FMN1: variants seen among roughly 807,000 people sequenced by gnomAD.
The protein encoded by FMN1 is formin-1.
Under a neutral mutation model 132.4 loss-of-function variants are expected in FMN1, and 110 were observed. That is an observed-to-expected ratio of 0.83 (90% CI 0.71 to 0.97). FMN1 has a LOEUF of 0.97. FMN1 is among the 50% of genes least tolerant of loss of function. FMN1 has a pLI of 0.00. For synonymous variants in FMN1, 722 were observed against 651.7 expected (o/e 1.11, Z -1.64); for missense variants, 1,792 against 1,705.3 (o/e 1.05, Z -0.90).
At chr15:32,849,570 C>T (rs781294734) in intron 17 of FMN1, among the ~76,000 whole-genome samples, 10 of 134,010 alleles carry the variant, frequency 7.5e-5, no homozygotes, top group East Asian at 6.2e-4. Context: ...GGAAAACATA[C>T]GCTCTTTGCA....
At chr15:33,066,738 G>A (rs754133162) in intron 5 of FMN1, 4 of 1,613,742 alleles carry the variant, frequency 2.5e-6, no homozygotes, top group East Asian at 2.2e-5. Flanking sequence ...GGTACTCCAG[G>A]GCCGCTCTGG....
In FMN1 at chr15:33,088,865, G is replaced by C. The variant is rs1566905405; in HGVS notation, c.1977C>G (p.Ala659=). 6.5e-7 allele frequency: 1 copy of C among 1,535,970 alleles called. No homozygotes were observed. Among genetic ancestry groups the C allele is most frequent in the Non-Finnish European group, 8.7e-7 (1 of 1,146,840 alleles). The part of the protein sequence containing the change: ...AWVLGYRAGP[A]CPFLLHEERE... The stretch of plus-strand genomic sequence containing the variant: ...TTTCCTCATGAAGCAAAAATGGACA[G>C]GCTGGTCCCGCTCTGTAGCCCAGAA... Residue 659 remains alanine, a synonymous_variant, in exon 5 of 21, where the codon GCC becomes GCG. Transcript: ENST00000616417.
chr15:33,041,132 A>G (rs1159612569), intron 6 of FMN1, among the ~76,000 whole-genome samples: 1 of 103,726 alleles, frequency 9.6e-6, no homozygotes, highest in African/African-American at 3.7e-5. Context: ...ATAAATCACT[A>G]AACAGATTGA....
intron 4 of FMN1, among the ~76,000 whole-genome samples, chr15:33,117,660 A>G (rs2168218): frequency 0.79 from 119,541 of 152,164 alleles, 47,145 homozygotes; most frequent in East Asian, 0.86. Context: ...ATTCCAATAA[A>G]TAAACATTAA....
chr15:33,013,418 A>G (rs2034850372), intron 6 of FMN1, among the ~76,000 whole-genome samples: 1 of 152,218 alleles, frequency 6.6e-6, no homozygotes, highest in African/African-American at 2.4e-5. Flanking sequence ...TTTTAAAAAA[A>G]GAAAGACTAG....
At chr15:33,054,067 A>G (rs1201392099) in intron 6 of FMN1, among the ~76,000 whole-genome samples, 2 of 152,084 alleles carry the variant, frequency 1.3e-5, no homozygotes, top group Non-Finnish European at 2.9e-5. Context: ...GAAGATGTGA[A>G]CCTTCCGGTG....
At chr15:32,899,277 G>A (rs1450120576) in intron 14 of FMN1, among the ~76,000 whole-genome samples, 3 of 152,096 alleles carry the variant, frequency 2.0e-5, no homozygotes, top group East Asian at 1.9e-4. Flanking sequence ...AAAAATGTGC[G>A]TTCTTAATGG....
rs1348427102 is a variant in FMN1 at position 32,967,575 on chromosome 15, C to CT, written c.2987+1138dup. ...CAGAAGCTATTACAGGATCATCTCACTTTTTTATGAACCATTCATTTGGGA... is the reference window on the plus strand; with the variant it reads ...CAGAAGCTATTACAGGATCATCTCACTTTTTTTATGAACCATTCATTTGGGA... On this transcript the variant is annotated intron_variant, in intron 8 of 20. Coordinates refer to ENST00000616417, the MANE Select transcript of FMN1 (RefSeq NM_001277313.2). 3.3e-5 allele frequency among the ~76,000 whole-genome samples: 5 copies of CT among 152,286 alleles called. No homozygotes were observed. In the South Asian group the frequency reaches 1.0e-3, roughly 32 times the overall value.
At chr15:32,851,080 A>G (rs1167120619) in intron 17 of FMN1, among the ~76,000 whole-genome samples, 1 of 151,544 alleles carries the variant, frequency 6.6e-6, no homozygotes, top group Non-Finnish European at 1.5e-5. Context: ...AAAACAAAAC[A>G]AAACAAAAAA....
intron 3 of FMN1, among the ~76,000 whole-genome samples, chr15:33,178,827 C>CTAT (rs1965602552): frequency 6.6e-6 from 1 of 152,188 alleles, no homozygotes; most frequent in Non-Finnish European, 1.5e-5. Context: ...ACCCTGCCTT[C>CTAT]TATTGGCAAT....
chr15:32,912,624 C>A (rs1372743902), intron 10 of FMN1, among the ~76,000 whole-genome samples: 2 of 152,084 alleles, frequency 1.3e-5, no homozygotes, highest in African/African-American at 2.4e-5. Context: ...TGGGAGGTGA[C>A]ATTTAAGAGA....
intron 9 of FMN1, among the ~76,000 whole-genome samples, chr15:32,929,640 G>T (rs996880120): frequency 6.6e-6 from 1 of 152,062 alleles, no homozygotes; most frequent in African/African-American, 2.4e-5. Flanking sequence ...ATTCCTTTGA[G>T]TTTGACCACC....
At chr15:33,128,475 T>C (rs983663687) in intron 4 of FMN1, among the ~76,000 whole-genome samples, 1 of 152,178 alleles carries the variant, frequency 6.6e-6, no homozygotes, top group Non-Finnish European at 1.5e-5. Context: ...GGTCCATTTA[T>C]AAAAAGCCTC....
intron 7 of FMN1, among the ~76,000 whole-genome samples, chr15:32,998,436 T>C (rs550772041): frequency 2.0e-5 from 3 of 152,292 alleles, no homozygotes; most frequent in Non-Finnish European, 4.4e-5. Context: ...CCAGAAATGA[T>C]AGAACTTTGA....
intron 5 of FMN1, among the ~76,000 whole-genome samples, chr15:33,088,279 G>C (rs535531920): frequency 2.5e-4 from 38 of 152,294 alleles, no homozygotes; most frequent in African/African-American, 8.7e-4. Flanking sequence ...TTAAAAAAGA[G>C]AAGGGAGGTG....
intron 4 of FMN1, among the ~76,000 whole-genome samples, chr15:33,131,492 T>C (rs1364667063): frequency 6.6e-6 from 1 of 152,228 alleles, no homozygotes; most frequent in Non-Finnish European, 1.5e-5. Flanking sequence ...GTCATTGATA[T>C]ACTTTCTCAC....
At chr15:32,940,033 C>T (rs758935199) in intron 9 of FMN1, among the ~76,000 whole-genome samples, 4 of 152,138 alleles carry the variant, frequency 2.6e-5, no homozygotes, top group Non-Finnish European at 4.4e-5. Context: ...GCATTCTGTG[C>T]TATTTTGACA....
rs114494298 is a variant in FMN1, at chr15:32,823,850, C to T, written c.3929-19518G>A. 1.8e-3 allele frequency among the ~76,000 whole-genome samples: 273 copies of T among 152,292 alleles called. 1 individual carries two copies. The highest frequency in any genetic ancestry group is 6.3e-3 in the African/African-American group (262 of 41,558). On this transcript the variant is annotated intron_variant, in intron 17 of 20. Transcript: ENST00000616417. ...ATGCTTCGTGGGTAACTTTCATATT[C>T]GAAAAGTATTCTTCACAGAACAGGC...
intron 15 of FMN1, among the ~76,000 whole-genome samples, chr15:32,891,119 C>G (rs1178897605): frequency 6.6e-6 from 1 of 152,136 alleles, no homozygotes; most frequent in Admixed American, 6.5e-5. Flanking sequence ...ATACCAGTAC[C>G]ACGTTGTTTT....
Sources: allele counts gnomAD v4.1 joint callset (sites outside exome capture counted in the v4.1 genomes callset), GRCh38; gene constraint gnomAD v4.1.1; transcripts MANE v1.5; gene names NCBI Gene and HGNC (gene_info 2026-07-23, HGNC 2026-07-21).